Variants in NFIB observed in about 807,000 individuals in gnomAD.
NFIB encodes the protein nuclear factor I B.
NFIB carries 11 observed loss-of-function variants against 61.5 expected under a neutral mutation model. That is an observed-to-expected ratio of 0.18 (90% CI 0.11 to 0.30). The LOEUF (loss-of-function observed/expected upper bound fraction) is 0.30. Ranked by LOEUF, NFIB falls within the 10% of genes least tolerant of loss-of-function variation. The pLI, the probability that NFIB is intolerant of heterozygous loss-of-function variation, is 1.00. For synonymous variants in NFIB, 260 were observed against 216.5 expected (o/e 1.20, Z -1.76); for missense variants, 471 against 608.9 (o/e 0.77, Z 2.38).
At chr9:14,273,948 G>A (rs1425342527) in intron 2 of NFIB, among the ~76,000 whole-genome samples, 3 of 152,118 alleles carry the variant, frequency 2.0e-5, no homozygotes, top group Non-Finnish European at 4.4e-5. Context: ...CAGGGAAACA[G>A]TCTTTTTTTC....
chr9:14,206,307 T>C (rs2049705108), intron 2 of NFIB, among the ~76,000 whole-genome samples: 1 of 151,752 alleles, frequency 6.6e-6, no homozygotes, highest in Non-Finnish European at 1.5e-5. Flanking sequence ...CTCTTGAGTA[T>C]CTAGGACCAC....
intron 10 of NFIB, among the ~76,000 whole-genome samples, chr9:14,095,841 G>A (rs1362163543): frequency 2.6e-5 from 4 of 152,174 alleles, no homozygotes; most frequent in African/African-American, 9.6e-5. Flanking sequence ...CTGTTCACAA[G>A]GGCAAAAGAT....
the NFIB span, among the ~76,000 whole-genome samples, chr9:14,473,054 G>A: frequency 2.6e-5 from 4 of 152,140 alleles, no homozygotes; most frequent in African/African-American, 9.7e-5. Context: ...CCATGATGTA[G>A]AATTTTCTTA....
Position 14,286,037 on chromosome 9 carries a change from C to T in NFIB, c.562+20952G>A, listed in dbSNP as rs536427427. 1.6e-3 allele frequency among the ~76,000 whole-genome samples: 238 copies of T among 152,310 alleles called. 1 individual carries two copies. The highest frequency in any genetic ancestry group is 5.3e-3 in the African/African-American group (219 of 41,566). On this transcript the variant is annotated intron_variant, in intron 2 of 10. Transcript: ENST00000380953. ...CCTTCTAGCAAGTTCCAACGCCATG[C>T]ACACCTAGTCACCGCCCCTTGATGA...
chr9:14,422,550 G>A, the NFIB span, among the ~76,000 whole-genome samples: 1 of 152,140 alleles, frequency 6.6e-6, no homozygotes, highest in Non-Finnish European at 1.5e-5. Context: ...CTTTAAGAAG[G>A]CAATAAGGCT....
chr9:14,418,195 T>G, the NFIB span, among the ~76,000 whole-genome samples: 1 of 152,170 alleles, frequency 6.6e-6, no homozygotes, highest in Non-Finnish European at 1.5e-5. Flanking sequence ...TTTATTCACA[T>G]CTTCTCGTCC....
At chr9:14,503,122 GTA>G in the NFIB span, among the ~76,000 whole-genome samples, 41 of 147,816 alleles carry the variant, frequency 2.8e-4, no homozygotes, top group African/African-American at 3.0e-4. Context: ...GTATGTGTGT[GTA>G]TGTGTGTGTG....
intron 1 of NFIB, among the ~76,000 whole-genome samples, chr9:14,349,629 C>T (rs1364568787): frequency 1.3e-5 from 2 of 152,120 alleles, no homozygotes; most frequent in Non-Finnish European, 2.9e-5. Context: ...CACTTACATT[C>T]CCTACGGCCA....
the NFIB span, among the ~76,000 whole-genome samples, chr9:14,491,195 G>T: frequency 6.6e-6 from 1 of 152,090 alleles, no homozygotes; most frequent in African/African-American, 2.4e-5. Context: ...AAGATTAAAT[G>T]ATTGAGTGCA....
At chr9:14,197,836 C>T (rs1485086860) in intron 2 of NFIB, among the ~76,000 whole-genome samples, 4 of 152,128 alleles carry the variant, frequency 2.6e-5, no homozygotes, top group Non-Finnish European at 4.4e-5. Flanking sequence ...CCTCACTCTA[C>T]GAATGCTACA....
chr9:14,440,011 A>G, the NFIB span, among the ~76,000 whole-genome samples: 2 of 152,192 alleles, frequency 1.3e-5, no homozygotes. Flanking sequence ...GGGAGCTGGA[A>G]GTCCTTCCTC....
intron 1 of NFIB, among the ~76,000 whole-genome samples, chr9:14,371,148 C>A (rs971223380): frequency 1.3e-5 from 2 of 152,024 alleles, no homozygotes; most frequent in Admixed American, 1.3e-4. Flanking sequence ...CAAAAACACA[C>A]ACACACCAAC....
chr9:14,280,626 T>G (rs73645040), intron 2 of NFIB, among the ~76,000 whole-genome samples: 5,912 of 152,204 alleles, frequency 0.039, 390 homozygotes, highest in African/African-American at 0.13. Flanking sequence ...CTGTAACAAG[T>G]AGCTCCCAGG....
At position 14,286,152 on chromosome 9, in the gene NFIB, C is replaced by T. The variant is rs539519639; in HGVS notation, c.562+20837G>A. 3.6e-4 allele frequency among the ~76,000 whole-genome samples: 55 copies of T among 152,298 alleles called. No individual in the cohort carries two copies. The South Asian group carries it at 1.0e-2, about 28-fold the overall frequency. On this transcript the variant is annotated intron_variant, in intron 2 of 10. Transcript: ENST00000380953. Reference sequence around the variant, plus strand: ...ATTGGAGAAATTATTGGGTGTACCCCAATGCCACATTCTATTATTCTTTAA... The same window carrying T: ...ATTGGAGAAATTATTGGGTGTACCCTAATGCCACATTCTATTATTCTTTAA...
At chr9:14,452,707 T>G in the NFIB span, among the ~76,000 whole-genome samples, 1 of 152,182 alleles carries the variant, frequency 6.6e-6, no homozygotes, top group African/African-American at 2.4e-5. Context: ...AACTTGGTAG[T>G]AGCTCTGTAA....
the NFIB span, among the ~76,000 whole-genome samples, chr9:14,413,662 T>C: frequency 2.0e-5 from 3 of 152,148 alleles, no homozygotes; most frequent in Non-Finnish European, 4.4e-5. Context: ...CTTGATTACA[T>C]TTAAGGCCTG....
the NFIB span, among the ~76,000 whole-genome samples, chr9:14,412,158 G>C: frequency 6.6e-6 from 1 of 152,178 alleles, no homozygotes; most frequent in Non-Finnish European, 1.5e-5. Flanking sequence ...ATTGTTTTAA[G>C]CTACCAAGTT....
chr9:14,467,616 T>C, the NFIB span, among the ~76,000 whole-genome samples: 1 of 152,222 alleles, frequency 6.6e-6, no homozygotes, highest in Non-Finnish European at 1.5e-5. Context: ...TTGGCATTCA[T>C]TCAATATGTA....
In NFIB at chr9:14,240,229, ATC is replaced by A. The variant is rs926773856; in HGVS notation, c.563-60451_563-60450del. Among the ~76,000 whole-genome samples, 10 of 152,078 alleles carry A rather than the reference ATC, an allele frequency of 6.6e-5. No individual in the cohort carries two copies. In the East Asian group the frequency reaches 1.7e-3, roughly 26 times the overall value. On this transcript the variant is annotated intron_variant, in intron 2 of 10. Coordinates refer to ENST00000380953, the MANE Select transcript of NFIB (RefSeq NM_001190737.2). ...GAAAAATTCCTAGAGAGTGAAATTAATCTCTCTGTCCCCATCTCTCCCTCTCT... is the reference window on the plus strand; with the variant it reads ...GAAAAATTCCTAGAGAGTGAAATTAATCTCTGTCCCCATCTCTCCCTCTCT...
Sources: allele counts gnomAD v4.1 joint callset (sites outside exome capture counted in the v4.1 genomes callset), GRCh38; gene constraint gnomAD v4.1.1; transcripts MANE v1.5; gene names NCBI Gene and HGNC (gene_info 2026-07-23, HGNC 2026-07-21).